Variants in ACAP2 observed in about 807,000 individuals in gnomAD.
The protein encoded by ACAP2 is ArfGAP with coiled-coil, ankyrin repeat and PH domains 2, also known as arf-GAP with coiled-coil, ANK repeat and PH domain-containing protein 2.
A neutral mutation model predicts 115.8 loss-of-function variants in ACAP2; 39 were observed. The observed-to-expected ratio is 0.34, with a 90% CI of 0.26 to 0.44. ACAP2 has a LOEUF of 0.44. ACAP2 is among the 20% of genes least tolerant of loss of function. The pLI is 1.00. For missense variants in ACAP2, 662 were observed against 927.6 expected (o/e 0.71, Z 3.72); for synonymous variants, 289 against 315.8 (o/e 0.92, Z 0.90).
chr3:195,293,355 C>CA (rs1727395412), intron 18 of ACAP2, among the ~76,000 whole-genome samples: 1 of 152,126 alleles, frequency 6.6e-6, no homozygotes, highest in African/African-American at 2.4e-5. Context: ...TCACTGAAAT[C>CA]ATGGAGGAGG....
chr3:195,383,007 G>T (rs1316784447), intron 2 of ACAP2, among the ~76,000 whole-genome samples: 4 of 152,100 alleles, frequency 2.6e-5, no homozygotes, highest in African/African-American at 9.7e-5. Flanking sequence ...ATCCAAGAGG[G>T]GAGGTATATA....
chr3:195,356,915 C>T (rs935591641), intron 4 of ACAP2, among the ~76,000 whole-genome samples: 2 of 151,450 alleles, frequency 1.3e-5, no homozygotes, highest in African/African-American at 2.4e-5. Flanking sequence ...GCGGTGGCTA[C>T]GAGGAAAGAC....
intron 1 of ACAP2, among the ~76,000 whole-genome samples, chr3:195,425,798 C>T (rs1393539252): frequency 1.3e-5 from 2 of 152,072 alleles, no homozygotes; most frequent in African/African-American, 4.8e-5. Context: ...TCTTCTAATT[C>T]CCTATAAAAA....
intron 4 of ACAP2, among the ~76,000 whole-genome samples, chr3:195,358,345 A>T (rs1732126949): frequency 6.6e-6 from 1 of 152,206 alleles, no homozygotes; most frequent in Non-Finnish European, 1.5e-5. Flanking sequence ...ATCCACTAGC[A>T]TCAAGACCAT....
intron 21 of ACAP2, among the ~76,000 whole-genome samples, chr3:195,287,291 G>C (rs1465417483): frequency 6.6e-6 from 1 of 152,156 alleles, no homozygotes; most frequent in Non-Finnish European, 1.5e-5. Flanking sequence ...TTTGATCTGA[G>C]ATGTAAATCA....
At chr3:195,314,468 C>T (rs1728964032) in intron 10 of ACAP2, among the ~76,000 whole-genome samples, 1 of 152,052 alleles carries the variant, frequency 6.6e-6, no homozygotes, top group Admixed American at 6.6e-5. Context: ...GGGTTCTCGC[C>T]ATGTTGGCCA....
In ACAP2 at chr3:195,443,006, G is replaced by C. The variant is rs1301412135; in HGVS notation, c.-159C>G. 5 of 570,826 alleles carry C rather than the reference G, an allele frequency of 8.8e-6. No individual in the cohort carries two copies. The East Asian group carries it at 1.7e-4, about 20-fold the overall frequency. 35.4% of individuals were successfully genotyped at this position (570,826 alleles called of 1,614,324 possible). A position where few individuals can be genotyped will look rare whatever the true frequency, so the allele number is the denominator to read the frequency against. ...GCTGGTCATAGCAGCCGCGAAGACGGCGACGACTAGTCAGGCCCCAGTCCC... is the reference window on the plus strand; with the variant it reads ...GCTGGTCATAGCAGCCGCGAAGACGCCGACGACTAGTCAGGCCCCAGTCCC... On this transcript the variant is annotated 5_prime_UTR_variant, in exon 1 of 23. Transcript: ENST00000326793.
chr3:195,308,673 T>A (rs1424252974), intron 11 of ACAP2, 113 bp downstream of exon 11: 2 of 883,186 alleles, frequency 2.3e-6, no homozygotes, highest in South Asian at 3.4e-5. Context: ...ATAAAACTAA[T>A]AAATAATTAC....
intron 1 of ACAP2, among the ~76,000 whole-genome samples, chr3:195,402,722 T>C (rs1275996033): frequency 6.6e-6 from 1 of 152,208 alleles, no homozygotes; most frequent in Non-Finnish European, 1.5e-5. Context: ...ACAGGATCCT[T>C]GGACACTCAA....
intron 5 of ACAP2, among the ~76,000 whole-genome samples, chr3:195,344,261 C>T (rs1401774275): frequency 6.6e-6 from 1 of 151,980 alleles, no homozygotes; most frequent in Non-Finnish European, 1.5e-5. Context: ...AACTGTAATA[C>T]ATAACCTCCA....
chr3:195,367,075 C>G lies in ACAP2; in HGVS notation c.285+13934G>C, dbSNP rs868630352. The stretch of plus-strand genomic sequence containing the variant: ...GCCAAAAAAAAAAAAAAAAAAACGG[C>G]AATGGGCTGGATATGGCCTGCAACG... On this transcript the variant is annotated intron_variant, in intron 4 of 22. Coordinates refer to ENST00000326793, the MANE Select transcript of ACAP2 (RefSeq NM_012287.6). Among the ~76,000 whole-genome samples, 9 of 142,916 alleles carry G rather than the reference C, an allele frequency of 6.3e-5. 1 individual carries two copies. The Middle Eastern group carries it at 0.026, about 409-fold the overall frequency. 93.8% of individuals were successfully genotyped at this position (142,916 alleles called of 152,430 possible). A position where few individuals can be genotyped will look rare whatever the true frequency, so the allele number is the denominator to read the frequency against.
intron 7 of ACAP2, 55 bp downstream of exon 7, chr3:195,336,877 G>T: frequency 7.3e-7 from 1 of 1,368,352 alleles, no homozygotes; most frequent in Non-Finnish European, 1.0e-6. Context: ...ACCTAAATAC[G>T]TACATTTAGT....
intron 1 of ACAP2, among the ~76,000 whole-genome samples, chr3:195,419,892 T>C (rs994586991): frequency 2.6e-5 from 4 of 152,242 alleles, no homozygotes; most frequent in Non-Finnish European, 5.9e-5. Flanking sequence ...CTGTCTGTTC[T>C]AGGATCAATC....
chr3:195,320,277 A>G (rs1729365603), intron 10 of ACAP2, among the ~76,000 whole-genome samples: 1 of 152,242 alleles, frequency 6.6e-6, no homozygotes, highest in Non-Finnish European at 1.5e-5. Flanking sequence ...AAAAATGTAC[A>G]TAAACATCAT....
At chr3:195,348,448 C>G (rs1229472481) in intron 4 of ACAP2, among the ~76,000 whole-genome samples, 1 of 151,954 alleles carries the variant, frequency 6.6e-6, no homozygotes, top group Non-Finnish European at 1.5e-5. Context: ...AGTACTTCTA[C>G]ACAAACTCTT....
chr3:195,395,157 C>A (rs1460623798), intron 1 of ACAP2, among the ~76,000 whole-genome samples: 2 of 152,058 alleles, frequency 1.3e-5, no homozygotes, highest in Non-Finnish European at 2.9e-5. Context: ...CTGCAATCCT[C>A]CCCAATTTTT....
intron 21 of ACAP2, among the ~76,000 whole-genome samples, chr3:195,287,136 G>C (rs1726896557): frequency 6.6e-6 from 1 of 152,180 alleles, no homozygotes; most frequent in South Asian, 2.1e-4. Context: ...AATGAGGGGG[G>C]ATAAGCAATT....
chr3:195,342,390 C>A (rs1730935933), intron 6 of ACAP2, 81 bp downstream of exon 6: 2 of 1,334,126 alleles, frequency 1.5e-6, no homozygotes, highest in Admixed American at 2.6e-5. Flanking sequence ...AGTATTTATT[C>A]TTCTTAGGGC....
Position 195,295,746 on chromosome 3 carries a change from C to T in ACAP2, c.1634G>A (p.Gly545Glu). The T allele has an allele frequency of 6.2e-7, 1 of 1,614,024 alleles. No homozygotes were observed. Among genetic ancestry groups the T allele is most frequent in the South Asian group, 1.1e-5 (1 of 91,074 alleles). The change falls in exon 17 of 23, where the codon GGG becomes GAG. Residue 545 changes from glycine to glutamate, a missense_variant. Gly to Glu is a moderately conservative substitution (Grantham distance 98, BLOSUM62 -2). Coordinates refer to ENST00000326793, the MANE Select transcript of ACAP2 (RefSeq NM_012287.6). ...EEKRLSISKF[G>E]PGDQVRASAQ... ...AGATGCTCTGACTTGGTCCCCTGGC[C>T]CAAATTTAGAAATGCTCAGCCTCTT... is the stretch of plus-strand genomic sequence containing the variant.
Sources: gnomAD v4.1 joint callset for allele counts (sites outside exome capture counted in the v4.1 genomes callset) on GRCh38, gnomAD v4.1.1 for gene constraint, MANE v1.5 for transcripts, NCBI Gene and HGNC (gene_info 2026-07-23, HGNC 2026-07-21) for gene names.